Variants in PCGF6 observed in about 807,000 individuals in gnomAD.
PCGF6 encodes polycomb group RING finger protein 6.
A neutral mutation model predicts 45.5 loss-of-function variants in PCGF6; 24 were observed. The observed-to-expected ratio is 0.53, with a 90% confidence interval of 0.38 to 0.74. The LOEUF is 0.74. PCGF6 is among the 30% of genes least tolerant of loss of function. The pLI, the probability that PCGF6 is intolerant of heterozygous loss-of-function variation, is 0.00. For synonymous variants in PCGF6, 152 were observed against 162.1 expected (o/e 0.94, Z 0.47); for missense variants, 356 against 443.2 (o/e 0.80, Z 1.77).
intron 6 of PCGF6, among the ~76,000 whole-genome samples, chr10:103,340,887 GCCACCATGCCTGAC>G (rs1422532650): frequency 1.3e-5 from 2 of 152,104 alleles, no homozygotes; most frequent in African/African-American, 4.8e-5. Context: ...ACAGGCATAA[GCCACCATGCCTGAC>G]CCTCAAAATA....
intron 8 of PCGF6, among the ~76,000 whole-genome samples, chr10:103,322,316 C>T (rs1470537119): frequency 1.3e-5 from 2 of 152,078 alleles, no homozygotes; most frequent in Non-Finnish European, 2.9e-5. Context: ...CCTCAGCCTC[C>T]CTAGGAGCTA....
At chr10:103,320,110 T>C (rs530920293) in intron 8 of PCGF6, among the ~76,000 whole-genome samples, 6 of 152,224 alleles carry the variant, frequency 3.9e-5, no homozygotes, top group African/African-American at 1.4e-4. Flanking sequence ...CTGGCCAGCC[T>C]AACTTTTAAG....
chr10:103,315,988 GTGTGTGTA>G (rs1376236624), intron 8 of PCGF6, among the ~76,000 whole-genome samples: 11 of 110,442 alleles, frequency 1.0e-4, no homozygotes, highest in East Asian at 7.9e-4. Flanking sequence ...GTGTGTGTGT[GTGTGTGTA>G]TATATATATA....
rs1294507348 is a variant in PCGF6, at chr10:103,326,544, G to A, written c.899C>T (p.Pro300Leu). 1 of 1,609,590 alleles carries A rather than the reference G, an allele frequency of 6.2e-7. No homozygotes were observed. The highest frequency in any genetic ancestry group is 8.5e-7 in the Non-Finnish European group (1 of 1,178,418). The change falls in exon 8 of 10, where the codon CCA (proline) becomes CTA (leucine). Residue 300 changes from proline to leucine, a missense_variant. Physicochemically the swap from Pro to Leu is moderately conservative, Grantham distance 98. This residue lies in a region of PCGF6 where 49 missense variants were observed against 93.0 expected (regional missense o/e 0.53). Coordinates refer to ENST00000369847, the MANE Select transcript of PCGF6 (RefSeq NM_001011663.2). ...ATATATGTACTGTACCTGACAAGCT[G>A]GATCAAGACCCATTTTTCTTCTGAG... is the stretch of plus-strand genomic sequence containing the variant. ...KFLRRKMGLD[P>L]ACQVDIICGD...
intron 8 of PCGF6, among the ~76,000 whole-genome samples, chr10:103,320,690 CA>C (rs879816277): frequency 4.2e-4 from 60 of 142,234 alleles, no homozygotes; most frequent in South Asian, 2.0e-3. Flanking sequence ...AACTTTGTCT[CA>C]AAAAAAAAAA....
At chr10:103,306,828 G>A (rs12254444) in intron 9 of PCGF6, among the ~76,000 whole-genome samples, 5,590 of 152,300 alleles carry the variant, frequency 0.037, 352 homozygotes, top group African/African-American at 0.13. Context: ...TCAAGGCCAG[G>A]TGCAGGGGCT....
rs1025255527 is a variant in PCGF6, at chr10:103,303,306, C to T, written c.*599G>A. On this transcript the variant is annotated 3_prime_UTR_variant, in exon 10 of 10. Coordinates refer to ENST00000369847, the MANE Select transcript of PCGF6 (RefSeq NM_001011663.2). ...GAAATTTTATGGCACAGATCATAAACTCAGAGTCTCTTCACACATAATAAC... is the reference window on the plus strand; with the variant it reads ...GAAATTTTATGGCACAGATCATAAATTCAGAGTCTCTTCACACATAATAAC... 2 of 152,376 alleles carry T rather than the reference C, an allele frequency of 1.3e-5. No individual in the cohort carries two copies. The highest frequency in any genetic ancestry group is 1.3e-4 in the Admixed American group (2 of 15,264). 9.4% of individuals were successfully genotyped at this position (152,376 alleles called of 1,614,324 possible). A position where few individuals can be genotyped will look rare whatever the true frequency, so the allele number is the denominator to read the frequency against.
intron 8 of PCGF6, among the ~76,000 whole-genome samples, chr10:103,317,614 T>C (rs762971252): frequency 6.6e-6 from 1 of 151,926 alleles, no homozygotes; most frequent in Non-Finnish European, 1.5e-5. Flanking sequence ...ACCCCAAGCC[T>C]GGGCAACAAA....
intron 8 of PCGF6, among the ~76,000 whole-genome samples, chr10:103,315,254 T>C (rs1183470521): frequency 2.6e-5 from 4 of 151,870 alleles, no homozygotes; most frequent in South Asian, 4.2e-4. Flanking sequence ...GGCCCAATCA[T>C]AGCTCATTGC....
At chr10:103,344,942 G>T in intron 6 of PCGF6, 82 bp downstream of exon 6, 1 of 938,010 alleles carries the variant, frequency 1.1e-6, no homozygotes, top group Non-Finnish European at 1.6e-6. Flanking sequence ...CAGAAAACTT[G>T]ATTTTACCTG....
intron 6 of PCGF6, among the ~76,000 whole-genome samples, chr10:103,336,830 G>C (rs537588480): frequency 6.6e-6 from 1 of 151,782 alleles, no homozygotes; most frequent in Non-Finnish European, 1.5e-5. Context: ...AGCCGAGGTC[G>C]TGCCACTGCA....
At chr10:103,344,742 G>A (rs748208147) in intron 6 of PCGF6, among the ~76,000 whole-genome samples, 1 of 148,358 alleles carries the variant, frequency 6.7e-6, no homozygotes, top group Non-Finnish European at 1.5e-5. Context: ...TTTTTTTTTT[G>A]TAATTTTAGT....
intron 8 of PCGF6, among the ~76,000 whole-genome samples, chr10:103,321,516 A>C (rs1423231343): frequency 2.0e-5 from 3 of 152,128 alleles, no homozygotes; most frequent in Admixed American, 2.0e-4. Context: ...GATCGAGATC[A>C]TCCTGGCTAA....
rs758647632 is a variant in PCGF6, at chr10:103,350,728, C to A, written c.339G>T (p.Gln113His). ...HFSLRLEGGR[Q>H]DSEDEEERLI... is the part of the protein sequence containing the mutation. ...ATACCTCCTCCTCGTCCTCCGAGTCCTGCCGGCCTCCCTCCAGCCTCAACG... is the reference window on the plus strand; with the variant it reads ...ATACCTCCTCCTCGTCCTCCGAGTCATGCCGGCCTCCCTCCAGCCTCAACG... Residue 113 changes from glutamine (Q) to histidine (H), a missense_variant, in exon 1 of 10, where the codon CAG becomes CAT. Coordinates refer to ENST00000369847, the MANE Select transcript of PCGF6 (RefSeq NM_001011663.2). 9 of 1,543,082 alleles carry A rather than the reference C, an allele frequency of 5.8e-6. No homozygotes were observed. The highest frequency in any genetic ancestry group is 1.9e-4 in the Middle Eastern group (1 of 5,382).
intron 9 of PCGF6, among the ~76,000 whole-genome samples, chr10:103,309,747 T>G (rs1303819123): frequency 1.3e-5 from 2 of 151,868 alleles, no homozygotes; most frequent in Non-Finnish European, 2.9e-5. Context: ...CTGGGCAACA[T>G]GGCAAAACCC....
intron 1 of PCGF6, among the ~76,000 whole-genome samples, chr10:103,349,478 C>CG (rs2093312541): frequency 1.0e-5 from 1 of 96,876 alleles, no homozygotes; most frequent in Admixed American, 1.6e-4. Context: ...TCTTTCTTTC[C>CG]GTTTTTTTTT....
At chr10:103,305,440 T>C (rs1225360446) in intron 9 of PCGF6, among the ~76,000 whole-genome samples, 2 of 151,996 alleles carry the variant, frequency 1.3e-5, no homozygotes, top group African/African-American at 2.4e-5. Flanking sequence ...CTGGCTAATT[T>C]TCGTAATTTT....
chr10:103,332,467 G>A (rs563394663), intron 7 of PCGF6, among the ~76,000 whole-genome samples: 2 of 152,028 alleles, frequency 1.3e-5, no homozygotes, highest in East Asian at 1.9e-4. Flanking sequence ...ATAGAGACAG[G>A]GTATTCCTGT....
intron 8 of PCGF6, among the ~76,000 whole-genome samples, chr10:103,319,582 T>C (rs968110715): frequency 2.0e-5 from 3 of 152,196 alleles, no homozygotes; most frequent in African/African-American, 7.2e-5. Context: ...TTACATCCTA[T>C]TGTTAGTTAG....
Sources: allele counts gnomAD v4.1 joint callset (sites outside exome capture counted in the v4.1 genomes callset), GRCh38; gene constraint gnomAD v4.1.1; regional missense constraint gnomAD v4.1.1; transcripts MANE v1.5; gene names NCBI Gene and HGNC (gene_info 2026-07-23, HGNC 2026-07-21).